UNC13C: variants seen among roughly 807,000 people sequenced by gnomAD.
UNC13C encodes the protein unc-13 homolog C.
UNC13C carries 174 observed loss-of-function variants against 245.4 expected under a neutral mutation model. The observed-to-expected ratio is 0.71, with a 90% CI of 0.63 to 0.80. UNC13C has a LOEUF of 0.80. UNC13C is among the 30% of genes least tolerant of loss of function. The pLI, the probability that UNC13C is intolerant of heterozygous loss-of-function variation, is 0.00. For synonymous variants in UNC13C, 992 were observed against 895.1 expected (o/e 1.11, Z -1.93); for missense variants, 2,829 against 2,602.9 (o/e 1.09, Z -1.89).
At chr15:54,420,102 A>G (rs919928444) in intron 19 of UNC13C, among the ~76,000 whole-genome samples, 1 of 151,828 alleles carries the variant, frequency 6.6e-6, no homozygotes, top group African/African-American at 2.4e-5. Flanking sequence ...TAAAAGAGAA[A>G]CTCTCAGCTT....
At chr15:54,410,331 C>A (rs1383770898) in intron 18 of UNC13C, among the ~76,000 whole-genome samples, 1 of 152,158 alleles carries the variant, frequency 6.6e-6, no homozygotes, top group East Asian at 1.9e-4. Context: ...TGTCCCTTTA[C>A]TCTGTTGATA....
At chr15:54,445,577 G>A (rs914524873) in intron 19 of UNC13C, among the ~76,000 whole-genome samples, 7 of 152,138 alleles carry the variant, frequency 4.6e-5, no homozygotes, top group Non-Finnish European at 8.8e-5. Flanking sequence ...TGTGTCTGTT[G>A]GCTGCATAAA....
chr15:53,922,318 A>T, the UNC13C span, among the ~76,000 whole-genome samples: 1 of 152,222 alleles, frequency 6.6e-6, no homozygotes, highest in African/African-American at 2.4e-5. Context: ...AGGTTCCCAG[A>T]AGATGTTTAA....
intron 17 of UNC13C, among the ~76,000 whole-genome samples, chr15:54,356,762 C>A (rs1439674750): frequency 1.3e-5 from 2 of 152,082 alleles, no homozygotes; most frequent in East Asian, 3.9e-4. Flanking sequence ...GTGGGATACC[C>A]AACATTCAGA....
rs1896767727 is a variant in UNC13C, at chr15:54,040,547, G to A, written c.2983+24661G>A. On this transcript the variant is annotated intron_variant, in intron 2 of 32. Transcript: ENST00000260323. The stretch of plus-strand genomic sequence containing the variant: ...GGGACAGTGTGGAACATGTCTCTGT[G>A]TTATCCTACACAGGCTGGGAAAGCT... Among the ~76,000 whole-genome samples, 4 of 152,282 alleles carry A rather than the reference G, an allele frequency of 2.6e-5. No individual in the cohort carries two copies. In the South Asian group the frequency reaches 8.3e-4, roughly 32 times the overall value.
chr15:54,399,514 C>T (rs1185269568), intron 18 of UNC13C, among the ~76,000 whole-genome samples: 8 of 151,898 alleles, frequency 5.3e-5, no homozygotes, highest in African/African-American at 1.7e-4. Flanking sequence ...TCTGTTATCT[C>T]ATTTGTTCGC....
At chr15:54,269,335 G>A (rs992695085) in intron 10 of UNC13C, among the ~76,000 whole-genome samples, 1 of 151,902 alleles carries the variant, frequency 6.6e-6, no homozygotes, top group Non-Finnish European at 1.5e-5. Context: ...TCTGGTCCCT[G>A]TTAATCCCTC....
intron 29 of UNC13C, among the ~76,000 whole-genome samples, chr15:54,561,087 C>T (rs781528080): frequency 2.4e-4 from 36 of 152,036 alleles, no homozygotes; most frequent in Admixed American, 3.3e-4. Context: ...ACTCTTTTCC[C>T]CAAGCAATAG....
At chr15:54,509,315 C>T (rs1356064544) in intron 23 of UNC13C, among the ~76,000 whole-genome samples, 1 of 152,166 alleles carries the variant, frequency 6.6e-6, no homozygotes, top group African/African-American at 2.4e-5. Flanking sequence ...TCTACTGTAA[C>T]ATTTTAAATT....
intron 19 of UNC13C, among the ~76,000 whole-genome samples, chr15:54,468,037 A>C (rs949363038): frequency 2.0e-5 from 3 of 151,720 alleles, no homozygotes; most frequent in African/African-American, 4.8e-5. Context: ...AGACACTTCC[A>C]TACTGTTTTC....
At position 54,013,890 on chromosome 15, in the gene UNC13C, A is replaced by C; in HGVS notation, c.987A>C (p.Glu329Asp). ...TGAGATTTTTAAATGTGACTGAAGAAAGATTTGAATATGTTGAAAGCGTGG... is the reference window on the plus strand; with the variant it reads ...TGAGATTTTTAAATGTGACTGAAGACAGATTTGAATATGTTGAAAGCGTGG... Reference protein sequence around the residue: ...ASLRFLNVTEERFEYVESVVY... With the variant: ...ASLRFLNVTEDRFEYVESVVY... Residue 329 changes from glutamate to aspartate, a missense_variant, in exon 2 of 33, where the codon GAA (glutamate) becomes GAC (aspartate). Transcript: ENST00000260323. 1 of 1,613,422 alleles carries C rather than the reference A, an allele frequency of 6.2e-7. No homozygotes were observed. The highest frequency in any genetic ancestry group is 1.7e-5 in the Admixed American group (1 of 59,888).
chr15:53,945,606 T>TCTGTTTTTGTACCAATACCATG, the UNC13C span, among the ~76,000 whole-genome samples: 5 of 152,182 alleles, frequency 3.3e-5, no homozygotes, highest in Non-Finnish European at 5.9e-5. Flanking sequence ...GGTCTTTGTG[T>TCTGTTTTTGTACCAATACCATG]CTGTTTTTGT....
chr15:54,094,779 C>A (rs1270292627), intron 2 of UNC13C, among the ~76,000 whole-genome samples: 1 of 152,206 alleles, frequency 6.6e-6, no homozygotes, highest in Non-Finnish European at 1.5e-5. Flanking sequence ...AAGGCCTGTG[C>A]AGCTATCTCT....
chr15:54,114,019 CT>C (rs2030025656), intron 2 of UNC13C, among the ~76,000 whole-genome samples: 1 of 152,160 alleles, frequency 6.6e-6, no homozygotes, highest in Non-Finnish European at 1.5e-5. Context: ...TACTCAGGGT[CT>C]TCCACCTGAA....
chr15:54,416,522 C>T (rs1160689085), intron 19 of UNC13C, among the ~76,000 whole-genome samples: 1 of 152,096 alleles, frequency 6.6e-6, no homozygotes, highest in Non-Finnish European at 1.5e-5. Context: ...ATTAATGACC[C>T]AGCCCTTCCT....
chr15:53,854,127 T>TTTGTTTTTTG, the UNC13C span, among the ~76,000 whole-genome samples: 802 of 147,448 alleles, frequency 5.4e-3, 14 homozygotes, highest in African/African-American at 0.019. Context: ...TATAGGTTTT[T>TTTGTTTTTTG]TTTTTTTTTT....
intron 2 of UNC13C, chr15:54,049,261 A>G (rs1285649295): frequency 3.8e-6 from 2 of 521,768 alleles, no homozygotes; most frequent in Non-Finnish European, 7.5e-6. Flanking sequence ...CTGTGCATTC[A>G]GAATATGTGT....
chr15:54,495,934 T>C (rs1893931160), intron 20 of UNC13C, among the ~76,000 whole-genome samples: 1 of 151,808 alleles, frequency 6.6e-6, no homozygotes, highest in Non-Finnish European at 1.5e-5. Flanking sequence ...TATAGGGTGT[T>C]GGGGAGATTT....
chr15:54,165,903 A>G (rs188036980), intron 4 of UNC13C, among the ~76,000 whole-genome samples: 50 of 151,416 alleles, frequency 3.3e-4, no homozygotes, highest in African/African-American at 1.2e-3. Context: ...AATGCATCTC[A>G]TTTTTAAAAT....
Sources: allele counts gnomAD v4.1 joint callset (sites outside exome capture counted in the v4.1 genomes callset), GRCh38; gene constraint gnomAD v4.1.1; transcripts MANE v1.5; gene names NCBI Gene and HGNC (gene_info 2026-07-23, HGNC 2026-07-21).